Variants in POTEC observed in about 807,000 individuals in gnomAD.
POTEC encodes the protein ANKRD26-like family B member 2.
POTEC carries 35 observed loss-of-function variants against 62.0 expected under a neutral mutation model. The observed-to-expected ratio is 0.56, with a 90% confidence interval of 0.43 to 0.75. The LOEUF (loss-of-function observed/expected upper bound fraction) is 0.75, where lower values mean the gene tolerates loss of function less well. Among genes scored for constraint, POTEC ranks in the 30% least tolerant of loss-of-function variants. POTEC has a pLI of 0.00. For synonymous variants in POTEC, 156 were observed against 221.5 expected (o/e 0.70, Z 2.62); for missense variants, 472 against 655.9 (o/e 0.72, Z 3.06).
chr18:14,540,646 G>C (rs999063089), intron 1 of POTEC, among the ~76,000 whole-genome samples: 2 of 152,068 alleles, frequency 1.3e-5, no homozygotes, highest in African/African-American at 4.8e-5. Context: ...TCAACACATG[G>C]CTATTTTAAG....
In POTEC at chr18:14,542,899, G is replaced by A. The variant is rs1402150131; in HGVS notation, c.248C>T (p.Ser83Phe). The change falls in exon 1 of 11, where the codon TCT becomes TTT. Residue 83 changes from serine to phenylalanine, a missense_variant. Around this residue, in one of 5 missense-constraint regions of POTEC, gnomAD observed 257 missense variants for 250.7 expected, o/e 1.03. Transcript: ENST00000358970. ...CATAAAGGAGTTGTCATGGTCTCCA[G>A]AAGTGCCCACGTTGCTCGTGCCGCT... ...RGSGTSNVGT[S>F]GDHDNSFMKT... The A allele has an allele frequency of 7.9e-7, 1 of 1,267,694 alleles. No homozygotes were observed. Among genetic ancestry groups the A allele is most frequent in the Non-Finnish European group, 1.1e-6 (1 of 919,024 alleles). 78.5% of individuals were successfully genotyped at this position (1,267,694 alleles called of 1,614,324 possible). A position where few individuals can be genotyped will look rare whatever the true frequency, so the allele number is the denominator to read the frequency against.
chr18:14,534,459 G>C (rs1466680868), intron 4 of POTEC, among the ~76,000 whole-genome samples: 1 of 151,770 alleles, frequency 6.6e-6, no homozygotes, highest in Non-Finnish European at 1.5e-5. Flanking sequence ...ACTTAAAGCA[G>C]AGTCGTTGAA....
rs1036611931 is a variant in POTEC at position 14,511,573 on chromosome 18, C to T, written c.*325G>A. 24 of 426,952 alleles carry T rather than the reference C, an allele frequency of 5.6e-5. No individual in the cohort carries two copies. Among genetic ancestry groups the T allele is most frequent in the Non-Finnish European group, 8.3e-5 (20 of 240,768 alleles). 26.4% of individuals were successfully genotyped at this position (426,952 alleles called of 1,614,324 possible). A position where few individuals can be genotyped will look rare whatever the true frequency, so the allele number is the denominator to read the frequency against. Reference sequence around the variant, plus strand: ...AATTCATTTTCTCCTGTAAATAAACCTGTTCATGTTTGTTCTCTGGAAAGA... The same window carrying T: ...AATTCATTTTCTCCTGTAAATAAACTTGTTCATGTTTGTTCTCTGGAAAGA... On this transcript the variant is annotated 3_prime_UTR_variant, in exon 11 of 11. Transcript: ENST00000358970.
intron 3 of POTEC, 51 bp from the exon 4 acceptor site, chr18:14,535,058 T>C: frequency 1.9e-6 from 3 of 1,595,700 alleles, no homozygotes; most frequent in Non-Finnish European, 2.6e-6. Flanking sequence ...AAATTATGTA[T>C]TTCTCAACTG....
At chr18:14,514,526 T>G (rs1203977984) in intron 9 of POTEC, among the ~76,000 whole-genome samples, 1 of 152,250 alleles carries the variant, frequency 6.6e-6, no homozygotes, top group African/African-American at 2.4e-5. Flanking sequence ...CTGTAATTTA[T>G]AGACAACTTA....
rs184874247 is a variant in POTEC, at chr18:14,542,215, C to T, written c.521+411G>A. On this transcript the variant is annotated intron_variant, in intron 1 of 10. Transcript: ENST00000358970. Reference sequence around the variant, plus strand: ...AAGAACGTATTTACATAGGGCACATCGATATAAAATCCATATTGGATTTTA... The same window carrying T: ...AAGAACGTATTTACATAGGGCACATTGATATAAAATCCATATTGGATTTTA... Among the ~76,000 whole-genome samples, 1,094 of 152,180 alleles carry T rather than the reference C, an allele frequency of 7.2e-3. 14 individuals carry two copies. The highest frequency in any genetic ancestry group is 0.025 in the African/African-American group (1,046 of 41,536).
Position 14,541,537 on chromosome 18 carries a change from A to G in POTEC, c.521+1089T>C, listed in dbSNP as rs192686383. On this transcript the variant is annotated intron_variant, in intron 1 of 10. Transcript: ENST00000358970. ...GTGCCTGTAATCCCAGCTACTTGGT[A>G]GGCTGAGGCAGAGAATTACTTGAAC... is the stretch of plus-strand genomic sequence containing the variant. Among the ~76,000 whole-genome samples, 330 of 152,256 alleles carry G rather than the reference A, an allele frequency of 2.2e-3. 4 individuals carry two copies. The highest frequency in any genetic ancestry group is 7.7e-3 in the African/African-American group (320 of 41,558).
At position 14,542,676 on chromosome 18, in the gene POTEC, G is replaced by T; in HGVS notation, c.471C>A (p.Leu157=). 1.2e-6 allele frequency: 2 copies of T among 1,612,938 alleles called. No individual in the cohort carries two copies. The highest frequency in any genetic ancestry group is 8.5e-7 in the Non-Finnish European group (1 of 1,179,914). Residue 157 remains leucine, a synonymous_variant, in exon 1 of 11, where the codon CTC becomes CTA. Transcript: ENST00000358970. ...AWWGKVPRKD[L]IVMLRDTDMN... ...TGTCCGTGTCCCTGAGCATGACGAT[G>T]AGATCCTTTCTGGGGACCTTACCCC...
intron 6 of POTEC, chr18:14,528,814 C>G (rs1247050348): frequency 2.6e-6 from 1 of 384,652 alleles, no homozygotes. Flanking sequence ...AAAAGTCTAT[C>G]ATAAACTTGC....
rs1041114268 is a variant in POTEC, at chr18:14,507,580, T to A, written c.*4318A>T. 1 of 152,092 alleles carries A rather than the reference T, an allele frequency of 6.6e-6. No homozygotes were observed. Among genetic ancestry groups the A allele is most frequent in the Non-Finnish European group, 1.5e-5 (1 of 68,032 alleles). The allele number at this position is 152,092 out of a possible 1,614,324, so 9.4% of individuals were successfully genotyped here. On this transcript the variant is annotated 3_prime_UTR_variant, in exon 11 of 11. Transcript: ENST00000358970. ...TTGGAGCATTTAGCCCATTTCCATT[T>A]AAGGTTAGTAATGGTATGTGTGGAT...
chr18:14,534,199 T>A (rs1905629766), intron 4 of POTEC, among the ~76,000 whole-genome samples: 1 of 150,506 alleles, frequency 6.6e-6, no homozygotes, highest in Non-Finnish European at 1.5e-5. Context: ...CTTGCGATAG[T>A]TTACTGAGAA....
At chr18:14,522,534 T>C (rs556035897) in intron 8 of POTEC, 114 bp from the exon 9 acceptor site, 7 of 1,515,662 alleles carry the variant, frequency 4.6e-6, no homozygotes, top group African/African-American at 4.2e-5. Context: ...ATTAAAAATA[T>C]CTCACACTTA....
At position 14,510,702 on chromosome 18, in the gene POTEC, G is replaced by A. The variant is rs894818220; in HGVS notation, c.*1196C>T. On this transcript the variant is annotated 3_prime_UTR_variant, in exon 11 of 11. Coordinates refer to ENST00000358970, the MANE Select transcript of POTEC (RefSeq NM_001137671.2). ...TGTAGGATGTGACTGGAAGCAAGTT[G>A]AGAAGTCTTGCCTAGTAAGGAGGAA... 6 of 152,202 alleles carry A rather than the reference G, an allele frequency of 3.9e-5. No homozygotes were observed. The highest frequency in any genetic ancestry group is 7.3e-5 in the Non-Finnish European group (5 of 68,032). The allele number at this position is 152,202 out of a possible 1,614,324, so 9.4% of individuals were successfully genotyped here.
In POTEC at chr18:14,508,244, C is replaced by T. The variant is rs1275306087; in HGVS notation, c.*3654G>A. The stretch of plus-strand genomic sequence containing the variant: ...GTCGTTTATATAATCCCATATTTCT[C>T]GGATGTTTTGTTCATTCCCTTTCAT... On this transcript the variant is annotated 3_prime_UTR_variant, in exon 11 of 11. Transcript: ENST00000358970. The T allele has an allele frequency of 1.2e-4, 19 of 152,540 alleles. No homozygotes were observed. The highest frequency in any genetic ancestry group is 3.9e-4 in the African/African-American group (16 of 41,430). The allele number at this position is 152,540 out of a possible 1,614,324, so 9.4% of individuals were successfully genotyped here. A position where few individuals can be genotyped will look rare whatever the true frequency, so the allele number is the denominator to read the frequency against.
At chr18:14,521,593 C>A (rs1354728942) in intron 9 of POTEC, among the ~76,000 whole-genome samples, 1 of 151,978 alleles carries the variant, frequency 6.6e-6, no homozygotes, top group Non-Finnish European at 1.5e-5. Context: ...CCTACATATC[C>A]TTACTATGTT....
At chr18:14,514,369 A>G (rs1280797641) in intron 9 of POTEC, among the ~76,000 whole-genome samples, 14 of 151,792 alleles carry the variant, frequency 9.2e-5, no homozygotes, top group African/African-American at 3.4e-4. Context: ...CTTGCTCCCT[A>G]CCACTAACCT....
intron 3 of POTEC, among the ~76,000 whole-genome samples, chr18:14,535,411 C>A (rs1381819427): frequency 6.6e-6 from 1 of 151,682 alleles, no homozygotes; most frequent in Non-Finnish European, 1.5e-5. Flanking sequence ...TAAAATATTT[C>A]TTTAGTTTCA....
chr18:14,530,345 G>T (rs1395589083), intron 6 of POTEC, 138 bp downstream of exon 6: 2 of 1,152,410 alleles, frequency 1.7e-6, no homozygotes, highest in South Asian at 3.0e-5. Context: ...CACAATAAAT[G>T]AAACATGGCT....
intron 3 of POTEC, among the ~76,000 whole-genome samples, chr18:14,536,581 T>C (rs2143160480): frequency 6.6e-6 from 1 of 151,946 alleles, no homozygotes; most frequent in Middle Eastern, 3.4e-3. Context: ...TTAGACTTAC[T>C]CTATCAAAAT....
Sources: allele counts gnomAD v4.1 joint callset (sites outside exome capture counted in the v4.1 genomes callset), GRCh38; gene constraint gnomAD v4.1.1; regional missense constraint gnomAD v4.1.1; transcripts MANE v1.5; gene names NCBI Gene and HGNC (gene_info 2026-07-23, HGNC 2026-07-21).